The following METTL15 variants were observed in gnomAD, a reference collection of about 807,000 sequenced individuals.
METTL15 encodes the protein methyltransferase 15, mitochondrial 12S rRNA N4-cytidine.
In METTL15, 34 loss-of-function variants were observed where a neutral mutation model predicts 38.3. The ratio of observed to expected loss-of-function variants is 0.89; its 90% CI spans 0.68 to 1.18. METTL15 has a LOEUF of 1.18. METTL15 is among the 50% of genes most tolerant of loss of function. The pLI is 0.00. For synonymous variants in METTL15, 162 were observed against 170.9 expected, an observed-to-expected ratio of 0.95 and a Z score of 0.41; for missense variants, 438 against 498.4, an observed-to-expected ratio of 0.88 and a Z score of 1.15.
At chr11:28,232,538 GAT>G (rs768443452) in intron 4 of METTL15, among the ~76,000 whole-genome samples, 1 of 151,434 alleles carries the variant, frequency 6.6e-6, no homozygotes, top group Non-Finnish European at 1.5e-5. Flanking sequence ...AATAATTAAA[GAT>G]ATTATAATTC....
chr11:28,380,168 CTT>C (rs34704753), intron 5 of METTL15, among the ~76,000 whole-genome samples: 10 of 124,044 alleles, frequency 8.1e-5, no homozygotes, highest in African/African-American at 9.1e-5. Context: ...CCACTTTATG[CTT>C]TTTTTTTTTT....
chr11:28,424,123 A>G (rs1367432970), intron 5 of METTL15, among the ~76,000 whole-genome samples: 8 of 152,084 alleles, frequency 5.3e-5, no homozygotes, highest in Admixed American at 2.6e-4. Flanking sequence ...TGCATTTGTC[A>G]TTTTCGTATG....
chr11:28,194,178 C>CTTTCTTTTTT (rs1373046857), intron 3 of METTL15, among the ~76,000 whole-genome samples: 5 of 12,268 alleles, frequency 4.1e-4, no homozygotes, highest in Non-Finnish European at 6.7e-4. Flanking sequence ...CTTTCTTTTT[C>CTTTCTTTTTT]TCTCTCTCTC....
intron 6 of METTL15, among the ~76,000 whole-genome samples, chr11:28,442,868 T>C (rs977539342): frequency 2.6e-5 from 4 of 151,946 alleles, no homozygotes; most frequent in Non-Finnish European, 4.4e-5. Flanking sequence ...CATTTCTAAA[T>C]GTTTATTTTT....
intron 5 of METTL15, among the ~76,000 whole-genome samples, chr11:28,367,393 A>C (rs138169523): frequency 6.6e-6 from 1 of 152,158 alleles, no homozygotes; most frequent in African/African-American, 2.4e-5. Context: ...GGACCCTAGA[A>C]TCTCTAGCCA....
At chr11:28,161,360 T>C (rs114522487) in intron 3 of METTL15, among the ~76,000 whole-genome samples, 7,743 of 152,046 alleles carry the variant, frequency 0.051, 682 homozygotes, top group African/African-American at 0.18. Context: ...CCTCAAGTGA[T>C]CCACCTGCCT....
At chr11:28,352,924 C>T (rs1486645900) in intron 4 of METTL15, among the ~76,000 whole-genome samples, 4 of 151,944 alleles carry the variant, frequency 2.6e-5, no homozygotes, top group Middle Eastern at 3.2e-3. Flanking sequence ...TTGCATGATA[C>T]GGAAAAGCAG....
At chr11:28,511,049 C>A (rs1451024508) in intron 6 of METTL15, among the ~76,000 whole-genome samples, 4 of 152,098 alleles carry the variant, frequency 2.6e-5, no homozygotes, top group African/African-American at 4.8e-5. Context: ...TTAAAGAGAA[C>A]CCAGGAAGGC....
At chr11:28,375,403 A>G (rs1251168040) in intron 5 of METTL15, among the ~76,000 whole-genome samples, 2 of 151,974 alleles carry the variant, frequency 1.3e-5, no homozygotes, top group Non-Finnish European at 2.9e-5. Context: ...GGGATAGTGT[A>G]TGTGTCGAGG....
In METTL15 at chr11:28,329,852, TAAAC is replaced by T. The variant is rs1299122669; in HGVS notation, c.779-542_779-539del. On this transcript the variant is annotated intron_variant, in intron 6 of 6. Transcript: ENST00000407364. ...ATCTTAGTAGACTTAGCCTTCTTCG[TAAAC>T]AGAGTGTTCTTCTCAACACTGTTTA... is the stretch of plus-strand genomic sequence containing the variant. Among the ~76,000 whole-genome samples the T allele has an allele frequency of 7.2e-5, 11 of 152,280 alleles. No individual in the cohort carries two copies. In the East Asian group the frequency reaches 1.9e-3, roughly 27 times the overall value.
At chr11:28,195,576 T>A (rs1176893898) in intron 3 of METTL15, among the ~76,000 whole-genome samples, 2 of 152,126 alleles carry the variant, frequency 1.3e-5, no homozygotes, top group Non-Finnish European at 2.9e-5. Context: ...TTCTTGCTCA[T>A]TTTTTCGAGT....
At chr11:28,177,479 G>A (rs1851119753) in intron 3 of METTL15, among the ~76,000 whole-genome samples, 1 of 151,912 alleles carries the variant, frequency 6.6e-6, no homozygotes, top group Non-Finnish European at 1.5e-5. Context: ...CAAGTAAAAT[G>A]TTTTCTATGC....
chr11:28,254,930 A>T (rs1854910411), intron 4 of METTL15, among the ~76,000 whole-genome samples: 2 of 152,076 alleles, frequency 1.3e-5, no homozygotes, highest in South Asian at 4.1e-4. Context: ...TTTGCTCAGG[A>T]TAGCCTTGGC....
intron 3 of METTL15, among the ~76,000 whole-genome samples, chr11:28,198,720 T>C (rs1251664716): frequency 5.9e-5 from 9 of 152,084 alleles, no homozygotes; most frequent in African/African-American, 2.2e-4. Flanking sequence ...AGGGTTTTGG[T>C]AGGAGAAATG....
chr11:28,337,713 CT>C (rs2133351572), downstream of METTL15, among the ~76,000 whole-genome samples: 1 of 152,082 alleles, frequency 6.6e-6, no homozygotes, highest in Admixed American at 6.6e-5. Context: ...TTTACTGTAT[CT>C]TTAATATGTT....
intron 3 of METTL15, among the ~76,000 whole-genome samples, chr11:28,174,552 C>G (rs930943258): frequency 6.6e-6 from 1 of 152,040 alleles, no homozygotes. Flanking sequence ...CAGTGACTCA[C>G]GTCTGTAATC....
At chr11:28,381,535 C>G (rs1175379328) in intron 5 of METTL15, among the ~76,000 whole-genome samples, 1 of 152,012 alleles carries the variant, frequency 6.6e-6, no homozygotes, top group South Asian at 2.1e-4. Context: ...TATAGGCAAT[C>G]TTTCTTCTTT....
chr11:28,310,917 G>C (rs7104279), intron 6 of METTL15, among the ~76,000 whole-genome samples: 16,624 of 52,558 alleles, frequency 0.32, 2,692 homozygotes, highest in Middle Eastern at 0.43. Context: ...GCTGCTGCTG[G>C]TGGTGGTGGT....
intron 5 of METTL15, among the ~76,000 whole-genome samples, chr11:28,374,164 C>A (rs558957925): frequency 1.3e-5 from 2 of 151,974 alleles, no homozygotes; most frequent in Non-Finnish European, 2.9e-5. Flanking sequence ...TTTTTGGTTC[C>A]GTATGAACTT....
Sources: gnomAD v4.1 joint callset for allele counts (sites outside exome capture counted in the v4.1 genomes callset) on GRCh38, gnomAD v4.1.1 for gene constraint, MANE v1.5 for transcripts, NCBI Gene and HGNC (gene_info 2026-07-23, HGNC 2026-07-21) for gene names.